Variants in EPB41L2 observed in about 807,000 individuals in gnomAD.
The protein encoded by EPB41L2 is erythrocyte membrane protein band 4.1 like 2, also known as band 4.1-like protein 2.
A neutral mutation model predicts 113.0 loss-of-function variants in EPB41L2; 43 were observed. The ratio of observed to expected loss-of-function variants is 0.38; its 90% CI spans 0.30 to 0.49. The LOEUF (loss-of-function observed/expected upper bound fraction) is 0.49. EPB41L2 is among the 20% of genes least tolerant of loss of function. EPB41L2 has a pLI of 0.95. For missense variants in EPB41L2, 1,147 were observed against 1,223.4 expected, an observed-to-expected ratio of 0.94 and a Z score of 0.93; for synonymous variants, 442 against 436.7, an observed-to-expected ratio of 1.01 and a Z score of -0.15.
chr6:130,999,358 A>G (rs561321025), intron 1 of EPB41L2, among the ~76,000 whole-genome samples: 1 of 152,352 alleles, frequency 6.6e-6, no homozygotes, highest in East Asian at 1.9e-4. Context: ...GAAAGAAACA[A>G]TAAGAAAAAT....
In EPB41L2 at chr6:130,955,157, A is replaced by G; in HGVS notation, c.653T>C (p.Val218Ala). 6.2e-7 allele frequency: 1 copy of G among 1,614,148 alleles called. No homozygotes were observed. Among genetic ancestry groups the G allele is most frequent in the Non-Finnish European group, 8.5e-7 (1 of 1,180,020 alleles). The change falls in exon 3 of 20, where the codon GTC (valine) becomes GCC (alanine). Residue 218 changes from valine (V) to alanine (A), a missense_variant. Physicochemically the swap from Val to Ala is moderately conservative, Grantham distance 64. Transcript: ENST00000337057. ...ATCTAAGAGGGTCACTTTACACTGG[A>G]CAGTTTTGGTCTTCTTGGTGACTTT... ...SQKVTKKTKTVQCKVTLLDGT... is the reference protein window; with the variant it reads ...SQKVTKKTKTAQCKVTLLDGT...
At chr6:131,018,532 G>C (rs574834312) in intron 1 of EPB41L2, among the ~76,000 whole-genome samples, 1 of 152,052 alleles carries the variant, frequency 6.6e-6, no homozygotes, top group Non-Finnish European at 1.5e-5. Context: ...TAATTTTTTC[G>C]TATGGAAGTT....
At chr6:131,000,318 G>A (rs1344104285) in intron 1 of EPB41L2, among the ~76,000 whole-genome samples, 1 of 152,124 alleles carries the variant, frequency 6.6e-6, no homozygotes, top group East Asian at 1.9e-4. Flanking sequence ...TGCCTATCCA[G>A]GAAAGCTCAC....
At chr6:131,018,090 GA>G (rs1788647709) in intron 1 of EPB41L2, among the ~76,000 whole-genome samples, 1 of 152,142 alleles carries the variant, frequency 6.6e-6, no homozygotes, top group East Asian at 1.9e-4. Flanking sequence ...AGCTAGAACA[GA>G]CCCAAGTACA....
intron 5 of EPB41L2, among the ~76,000 whole-genome samples, chr6:130,908,078 A>C (rs1562457225): frequency 6.6e-6 from 1 of 152,150 alleles, no homozygotes; most frequent in Non-Finnish European, 1.5e-5. Flanking sequence ...CAGATCCCCT[A>C]ACAGAGATTT....
intron 1 of EPB41L2, among the ~76,000 whole-genome samples, chr6:130,984,593 C>T (rs1780093433): frequency 6.6e-6 from 1 of 152,212 alleles, no homozygotes; most frequent in African/African-American, 2.4e-5. Context: ...TATCACATGA[C>T]TGTATTTGGG....
At chr6:130,935,369 A>G (rs1808441510) in intron 3 of EPB41L2, among the ~76,000 whole-genome samples, 2 of 152,192 alleles carry the variant, frequency 1.3e-5, no homozygotes, top group Admixed American at 6.5e-5. Context: ...GATGCTTCCA[A>G]GCCCATCAAG....
Position 130,867,572 on chromosome 6 carries a change from C to T in EPB41L2, c.2617G>A (p.Val873Ile). Residue 873 changes from valine (V) to isoleucine (I), a missense_variant, in exon 16 of 20, where the codon GTA (valine) becomes ATA (isoleucine). Physicochemically the swap from Val to Ile is conservative, Grantham distance 29. Transcript: ENST00000337057. ...GAAATTGTTACCATCTCTGTTTTTA[C>T]CACTGGTGGCTGAGGTGGAAAAGGA... ...QIICCSEPPV[V>I]KTEMVTISDA... is the part of the protein sequence containing the mutation. 6.2e-7 allele frequency: 1 copy of T among 1,613,686 alleles called. No individual in the cohort carries two copies. Among genetic ancestry groups the T allele is most frequent in the Non-Finnish European group, 8.5e-7 (1 of 1,179,824 alleles).
intron 1 of EPB41L2, among the ~76,000 whole-genome samples, chr6:130,992,409 CTAATAACT>C (rs1782090977): frequency 6.6e-6 from 1 of 152,108 alleles, no homozygotes. Context: ...CCCCCATACC[CTAATAACT>C]TAGGCTTGTG....
At chr6:130,865,045 G>A (rs1439636594) in intron 17 of EPB41L2, among the ~76,000 whole-genome samples, 2 of 152,158 alleles carry the variant, frequency 1.3e-5, no homozygotes, top group Non-Finnish European at 2.9e-5. Context: ...GCTGATCCAG[G>A]GATGACTGGT....
At chr6:130,964,492 C>CAAAA (rs34008072) in intron 1 of EPB41L2, among the ~76,000 whole-genome samples, 2 of 145,014 alleles carry the variant, frequency 1.4e-5, no homozygotes, top group African/African-American at 2.5e-5. Context: ...TCCTCATAAG[C>CAAAA]AAAAAAAAAA....
intron 1 of EPB41L2, among the ~76,000 whole-genome samples, chr6:130,972,180 A>T (rs1776956984): frequency 6.6e-6 from 1 of 151,972 alleles, no homozygotes; most frequent in African/African-American, 2.4e-5. Context: ...AAAAATTGGC[A>T]GGGTGTCGTA....
chr6:130,913,562 T>C (rs1045117950), intron 4 of EPB41L2, among the ~76,000 whole-genome samples: 2 of 152,218 alleles, frequency 1.3e-5, no homozygotes, highest in African/African-American at 2.4e-5. Context: ...CTGACTGATA[T>C]ATGCCCCTTG....
intron 11 of EPB41L2, among the ~76,000 whole-genome samples, chr6:130,889,351 G>C (rs1792043734): frequency 6.6e-6 from 1 of 151,518 alleles, no homozygotes; most frequent in South Asian, 2.1e-4. Context: ...TTTTGGACCA[G>C]GTAATTTATA....
chr6:130,991,039 C>G (rs1192316685), intron 1 of EPB41L2, among the ~76,000 whole-genome samples: 2 of 151,986 alleles, frequency 1.3e-5, no homozygotes, highest in African/African-American at 4.8e-5. Context: ...CCATGTTATC[C>G]AGGATGGTCT....
intron 1 of EPB41L2, among the ~76,000 whole-genome samples, chr6:130,975,595 T>C (rs1377681764): frequency 6.6e-6 from 1 of 152,228 alleles, no homozygotes; most frequent in Non-Finnish European, 1.5e-5. Flanking sequence ...GAATTCCTTT[T>C]GGTTATCTCA....
rs115490280 is a variant in EPB41L2, at chr6:130,869,606, T to C, written c.2564A>G (p.His855Arg). Residue 855 changes from histidine (H) to arginine (R), a missense_variant, in exon 15 of 20, where the codon CAT becomes CGT. By Grantham distance (29) the His-to-Arg change is conservative. Coordinates refer to ENST00000337057, the MANE Select transcript of EPB41L2 (RefSeq NM_001431.4). The part of the protein sequence containing the change: ...EPQKVNGEVS[H>R]VDIDVLPQII... The stretch of plus-strand genomic sequence containing the variant: ...TTGTGGCAAAACATCAATGTCAACA[T>C]GGGACACCTCTCCGTTAACTTTCTG... The C allele has an allele frequency of 3.3e-4, 535 of 1,614,196 alleles. 4 individuals carry two copies. In the African/African-American group the frequency reaches 6.2e-3, roughly 19 times the overall value.
In EPB41L2 at chr6:130,839,680, T is replaced by A. The variant is rs189858475; in HGVS notation, c.*924A>T. On this transcript the variant is annotated 3_prime_UTR_variant, in exon 20 of 20. Transcript: ENST00000337057. ...AGTTTTACATGTGTAGACAAAGAGG[T>A]TTAATACAAAGCAAGAGTTCTACCC... 1 of 151,946 alleles carries A rather than the reference T, an allele frequency of 6.6e-6. No homozygotes were observed. 9.4% of individuals were successfully genotyped at this position (151,946 alleles called of 1,614,324 possible). A position where few individuals can be genotyped will look rare whatever the true frequency, so the allele number is the denominator to read the frequency against.
At chr6:130,966,616 T>C (rs1775273787) in intron 1 of EPB41L2, among the ~76,000 whole-genome samples, 1 of 152,188 alleles carries the variant, frequency 6.6e-6, no homozygotes, top group South Asian at 2.1e-4. Flanking sequence ...AGGGTGGTGC[T>C]GGGTAGATGA....
Sources: allele counts gnomAD v4.1 joint callset (sites outside exome capture counted in the v4.1 genomes callset), GRCh38; gene constraint gnomAD v4.1.1; transcripts MANE v1.5; gene names NCBI Gene and HGNC (gene_info 2026-07-23, HGNC 2026-07-21).